TTF2: variants seen among roughly 807,000 people sequenced by gnomAD.
TTF2 encodes the protein transcription termination factor 2.
A neutral mutation model predicts 142.4 loss-of-function variants in TTF2; 108 were observed. The ratio of observed to expected loss-of-function variants is 0.76; its 90% CI spans 0.65 to 0.89. The LOEUF (loss-of-function observed/expected upper bound fraction) is 0.89, where lower values mean the gene tolerates loss of function less well. TTF2 is among the 40% of genes least tolerant of loss of function. The pLI, the probability that TTF2 is intolerant of heterozygous loss-of-function variation, is 0.00. For synonymous variants in TTF2, 483 were observed against 506.2 expected (o/e 0.95, Z 0.61); for missense variants, 1,327 against 1,379.8 (o/e 0.96, Z 0.61).
chr1:117,090,462 G>A lies in TTF2; in HGVS notation c.2497-70G>A. ...TTGACTAGATATGCAGTGTCAGTATGGGGAATTTGTTCTATAATAGGCAGT... is the reference window on the plus strand; with the variant it reads ...TTGACTAGATATGCAGTGTCAGTATAGGGAATTTGTTCTATAATAGGCAGT... On this transcript the variant is annotated intron_variant, in intron 14 of 22. Transcript: ENST00000369466. This position sits in a 1 kb window ranked among gnomAD's most constrained non-coding sequence, Gnocchi z 4.8. 7.0e-7 allele frequency: 1 copy of A among 1,434,544 alleles called. No individual in the cohort carries two copies. The highest frequency in any genetic ancestry group is 9.7e-7 in the Non-Finnish European group (1 of 1,029,116). The allele number at this position is 1,434,544 out of a possible 1,614,324, so 88.9% of individuals were successfully genotyped here.
chr1:117,097,381 G>A lies in TTF2; in HGVS notation c.3217G>A (p.Val1073Ile), dbSNP rs1649242160. 1 of 1,614,026 alleles carries A rather than the reference G, an allele frequency of 6.2e-7. No individual in the cohort carries two copies. Among genetic ancestry groups the A allele is most frequent in the African/African-American group, 1.3e-5 (1 of 74,914 alleles). Residue 1073 changes from valine (V) to isoleucine (I), a missense_variant, in exon 21 of 23, where the codon GTT becomes ATT. Physicochemically the swap from Val to Ile is conservative, Grantham distance 29 (BLOSUM62 3). Coordinates refer to ENST00000369466, the MANE Select transcript of TTF2 (RefSeq NM_003594.4). This position sits in a 1 kb window ranked among gnomAD's most constrained non-coding sequence, Gnocchi z 4.1. ...VMLISLLAGG[V>I]GLNLTGGNHL... ...GCTAATCTCTCTCTTGGCCGGAGGTGTTGGTCTAAACCTGACTGGAGGAAA... is the reference window on the plus strand; with the variant it reads ...GCTAATCTCTCTCTTGGCCGGAGGTATTGGTCTAAACCTGACTGGAGGAAA...
intron 20 of TTF2, 142 bp downstream of exon 20, chr1:117,096,441 T>G: frequency 1.9e-6 from 2 of 1,071,346 alleles, no homozygotes; most frequent in Non-Finnish European, 1.3e-6. Context: ...GCAATAGTGC[T>G]ATCTTGGCTC....
Position 117,087,015 on chromosome 1 carries a change from C to G in TTF2, c.2160+493C>G, listed in dbSNP as rs1300923141. On this transcript the variant is annotated intron_variant, in intron 12 of 22. Coordinates refer to ENST00000369466, the MANE Select transcript of TTF2 (RefSeq NM_003594.4). The surrounding 1 kb of genome is among the most constrained non-coding windows in gnomAD (Gnocchi z 4.8). The stretch of plus-strand genomic sequence containing the variant: ...ACAATTGTGAATACGTGATGGTCTT[C>G]TAGGGTGTCCAGGGCAGCCTCAGTT... Among the ~76,000 whole-genome samples the G allele has an allele frequency of 6.6e-6, 1 of 151,840 alleles. No homozygotes were observed. The highest frequency in any genetic ancestry group is 1.5e-5 in the Non-Finnish European group (1 of 67,992).
chr1:117,092,754 G>A lies in TTF2; in HGVS notation c.2829G>A (p.Lys943=), dbSNP rs1648707274. 2 of 1,613,996 alleles carry A rather than the reference G, an allele frequency of 1.2e-6. No individual in the cohort carries two copies. The highest frequency in any genetic ancestry group is 1.3e-5 in the African/African-American group (1 of 74,926). Residue 943 remains lysine, a synonymous_variant, in exon 18 of 23, where the codon AAG becomes AAA. Transcript: ENST00000369466. The surrounding 1 kb of genome is among the most constrained non-coding windows in gnomAD (Gnocchi z 4.4). ...AGGCCCTGGATCCAATGGAACTGAA[G>A]GGTGAAGGTCTTGTCCTTTCCCTGG... is the stretch of plus-strand genomic sequence containing the variant. ...LKSALDPMEL[K]GEGLVLSLEE... is the part of the protein sequence containing the mutation.
chr1:117,088,671 G>T (rs1378778205), intron 12 of TTF2, 130 bp from the exon 13 acceptor site: 1 of 879,958 alleles, frequency 1.1e-6, no homozygotes, highest in African/African-American at 1.7e-5. Context: ...TCTTATTTCA[G>T]TGTACCTGAG....
In TTF2 at chr1:117,062,478, G is replaced by T. The variant is rs377208349; in HGVS notation, c.218+5G>T. ...ACAGGACAAGAAAGAATACAGGTAA[G>T]GGTCCAAAAGGAACATCTAAGTGTA... On this transcript the variant is annotated splice_donor_5th_base_variant and intron_variant, in intron 3 of 22. Transcript: ENST00000369466. The T allele has an allele frequency of 2.5e-6, 4 of 1,602,958 alleles. No homozygotes were observed. The highest frequency in any genetic ancestry group is 1.1e-5 in the South Asian group (1 of 88,352).
intron 3 of TTF2, among the ~76,000 whole-genome samples, chr1:117,068,594 G>A (rs1656340683): frequency 6.6e-6 from 1 of 151,692 alleles, no homozygotes; most frequent in African/African-American, 2.4e-5. Flanking sequence ...TTAATTGGTT[G>A]TGGTAGATGT....
intron 10 of TTF2, chr1:117,082,163 C>A: frequency 3.3e-6 from 2 of 602,158 alleles, no homozygotes; most frequent in Non-Finnish European, 2.8e-6. Context: ...ATAAACTAGG[C>A]AGAATTTTAT....
Position 117,081,836 on chromosome 1 carries a change from ATGGGCT to A in TTF2, c.1794_1799del (p.Met598_Leu600delinsIle). The A allele has an allele frequency of 2.5e-6, 4 of 1,613,484 alleles. No homozygotes were observed. The highest frequency in any genetic ancestry group is 3.4e-6 in the Non-Finnish European group (4 of 1,179,822). On this transcript the variant is annotated inframe_deletion, in exon 10 of 23. Transcript: ENST00000369466. ...TTGCTTTTATTTTCTAGCAGATGATATGGGCTTAGGAAAAACCCTGACAATGATTGC... is the reference window on the plus strand; with the variant it reads ...TTGCTTTTATTTTCTAGCAGATGATATAGGAAAAACCCTGACAATGATTGC...
Position 117,074,957 on chromosome 1 carries a change from C to T in TTF2, c.373C>T (p.Pro125Ser). 6.2e-7 allele frequency: 1 copy of T among 1,613,822 alleles called. No individual in the cohort carries two copies. Among genetic ancestry groups the T allele is most frequent in the Non-Finnish European group, 8.5e-7 (1 of 1,179,994 alleles). ...TCATTCTTCCAACTGGCTGAGAAAT[C>T]CATTCAAGGTACTTGACAAGAATCA... ...FHHSSNWLRNPFKVLDKNQEP... is the reference protein window; with the variant it reads ...FHHSSNWLRNSFKVLDKNQEP... Residue 125 changes from proline (P) to serine (S), a missense_variant, in exon 5 of 23, where the codon CCA becomes TCA. By Grantham distance (74) the Pro-to-Ser change is moderately conservative (BLOSUM62 -1). Transcript: ENST00000369466.
Position 117,092,624 on chromosome 1 carries a change from C to A in TTF2, c.2806-107C>A. On this transcript the variant is annotated intron_variant, in intron 17 of 22. Coordinates refer to ENST00000369466, the MANE Select transcript of TTF2 (RefSeq NM_003594.4). This position sits in a 1 kb window ranked among gnomAD's most constrained non-coding sequence, Gnocchi z 4.4. ...TTGAGGAGTTACTGATGACAAATTA[C>A]AAGATATTTTGCTCTGTGAAGTGGT... is the stretch of plus-strand genomic sequence containing the variant. The A allele has an allele frequency of 7.9e-7, 1 of 1,262,872 alleles. No homozygotes were observed. Among genetic ancestry groups the A allele is most frequent in the East Asian group, 2.4e-5 (1 of 41,542 alleles). 78.2% of individuals were successfully genotyped at this position (1,262,872 alleles called of 1,614,324 possible).
chr1:117,083,173 C>A (rs1187631146), intron 10 of TTF2, among the ~76,000 whole-genome samples: 1 of 147,266 alleles, frequency 6.8e-6, no homozygotes, highest in African/African-American at 2.5e-5. Flanking sequence ...ACCTGGGAGG[C>A]AGAGCTTGCA....
chr1:117,064,691 T>C (rs1370789303), intron 3 of TTF2, among the ~76,000 whole-genome samples: 3 of 152,040 alleles, frequency 2.0e-5, no homozygotes, highest in African/African-American at 7.2e-5. Flanking sequence ...ATAATTTTTT[T>C]GTATTTTAGT....
At position 117,102,455 on chromosome 1, in the gene TTF2, G is replaced by T. The variant is rs1376430384; in HGVS notation, c.*931G>T. The stretch of plus-strand genomic sequence containing the variant: ...GTTATCATTGTATTGTTTAGTGTCA[G>T]TGTATCATTTAGTATTTGTATCACT... On this transcript the variant is annotated 3_prime_UTR_variant, in exon 23 of 23. Transcript: ENST00000369466. The T allele has an allele frequency of 6.6e-6, 1 of 152,194 alleles. No individual in the cohort carries two copies. The highest frequency in any genetic ancestry group is 1.9e-4 in the East Asian group (1 of 5,190). The allele number at this position is 152,194 out of a possible 1,614,324, so 9.4% of individuals were successfully genotyped here. A position where few individuals can be genotyped will look rare whatever the true frequency, so the allele number is the denominator to read the frequency against.
Position 117,076,515 on chromosome 1 carries a change from T to C in TTF2, c.1391-126T>C. The C allele has an allele frequency of 8.6e-7, 1 of 1,164,964 alleles. No homozygotes were observed. The highest frequency in any genetic ancestry group is 1.2e-6 in the Non-Finnish European group (1 of 835,042). 72.2% of individuals were successfully genotyped at this position (1,164,964 alleles called of 1,614,324 possible). A position where few individuals can be genotyped will look rare whatever the true frequency, so the allele number is the denominator to read the frequency against. ...ATTGTTTAAGCAACTGTTAAAATGC[T>C]ACCTTCTCTAGGAATCCTTCATCGG... On this transcript the variant is annotated intron_variant, in intron 6 of 22. Coordinates refer to ENST00000369466, the MANE Select transcript of TTF2 (RefSeq NM_003594.4). This position sits in a 1 kb window ranked among gnomAD's most constrained non-coding sequence, Gnocchi z 4.6.
rs1309104757 is a variant in TTF2, at chr1:117,076,048, A to G, written c.1276-132A>G. On this transcript the variant is annotated intron_variant, in intron 5 of 22. Coordinates refer to ENST00000369466, the MANE Select transcript of TTF2 (RefSeq NM_003594.4). This position sits in a 1 kb window ranked among gnomAD's most constrained non-coding sequence, Gnocchi z 4.6. ...AGCCAGCTGGGTTAAAATTTAAAAA[A>G]GGTTCTGGTTTTTGCACACATATTT... 7 of 1,300,698 alleles carry G rather than the reference A, an allele frequency of 5.4e-6. No individual in the cohort carries two copies. In the Admixed American group the frequency reaches 8.2e-5, roughly 15 times the overall value. 80.6% of individuals were successfully genotyped at this position (1,300,698 alleles called of 1,614,324 possible).
intron 3 of TTF2, among the ~76,000 whole-genome samples, chr1:117,067,207 T>G (rs1656208635): frequency 6.6e-6 from 1 of 152,318 alleles, no homozygotes; most frequent in African/African-American, 2.4e-5. Flanking sequence ...CAGAGCACTA[T>G]TACTAGGAAG....
chr1:117,084,166 A>G lies in TTF2; in HGVS notation c.2052A>G (p.Arg684=), dbSNP rs755799132. The part of the protein sequence containing the change: ...YHGPNRDSRA[R]VLSTYDIVIT... ...GGCCAAACCGGGATTCACGTGCCAG[A>G]GTGTAAGTGCAGGAATACGCAGTTG... Residue 684 remains arginine (R), a splice_region_variant and synonymous_variant, in exon 11 of 23, where the codon AGA becomes AGG. Coordinates refer to ENST00000369466, the MANE Select transcript of TTF2 (RefSeq NM_003594.4). 11 of 1,614,190 alleles carry G rather than the reference A, an allele frequency of 6.8e-6. No homozygotes were observed. Among genetic ancestry groups the G allele is most frequent in the Non-Finnish European group, 9.3e-6 (11 of 1,180,024 alleles).
chr1:117,089,906 G>C (rs1318324838), intron 13 of TTF2, 149 bp from the exon 14 acceptor site: 1 of 848,202 alleles, frequency 1.2e-6, no homozygotes. Flanking sequence ...TCCAGCAAAG[G>C]TTTGCTATGA....
Sources: allele counts gnomAD v4.1 joint callset (sites outside exome capture counted in the v4.1 genomes callset), GRCh38; gene constraint gnomAD v4.1.1; non-coding constraint Gnocchi (gnomAD v3.1); transcripts MANE v1.5; gene names NCBI Gene and HGNC (gene_info 2026-07-23, HGNC 2026-07-21).